The following VTCN1 variants were observed in gnomAD, a reference collection of about 807,000 sequenced individuals.
VTCN1 encodes V-set domain containing T cell activation inhibitor 1, also known as V-set domain-containing T-cell activation inhibitor 1.
In VTCN1, 26 loss-of-function variants were observed where a neutral mutation model predicts 26.5. The ratio of observed to expected loss-of-function variants is 0.98; its 90% CI spans 0.72 to 1.36. VTCN1 has a LOEUF of 1.36. Ranked by LOEUF, VTCN1 falls within the 40% of genes most tolerant of loss-of-function variation. The pLI, the probability that VTCN1 is intolerant of heterozygous loss-of-function variation, is 0.00. For missense variants in VTCN1, 298 were observed against 337.7 expected, an observed-to-expected ratio of 0.88 and a Z score of 0.92; for synonymous variants, 116 against 130.7, an observed-to-expected ratio of 0.89 and a Z score of 0.77.
At chr1:117,154,341 T>C (rs903299160) in intron 3 of VTCN1, among the ~76,000 whole-genome samples, 1 of 152,208 alleles carries the variant, frequency 6.6e-6, no homozygotes, top group African/African-American at 2.4e-5. Context: ...CTGTGAATAC[T>C]ATCATCCCCA....
At chr1:117,193,081 A>G (rs1048915452) in intron 1 of VTCN1, among the ~76,000 whole-genome samples, 4 of 152,178 alleles carry the variant, frequency 2.6e-5, no homozygotes, top group Non-Finnish European at 5.9e-5. Context: ...ATTTTAAGTA[A>G]TCTAGAGATG....
rs751197948 is a variant in VTCN1 at position 117,156,788 on chromosome 1, T to G, written c.231A>C (p.Leu77Phe). 2 of 1,614,144 alleles carry G rather than the reference T, an allele frequency of 1.2e-6. No individual in the cohort carries two copies. The highest frequency in any genetic ancestry group is 1.7e-6 in the Non-Finnish European group (2 of 1,180,014). Residue 77 changes from leucine to phenylalanine, a missense_variant, in exon 3 of 6, where the codon TTA (leucine) becomes TTC (phenylalanine). Transcript: ENST00000369458. Reference protein sequence around the residue: ...IVIQWLKEGVLGLVHEFKEGK... With the variant: ...IVIQWLKEGVFGLVHEFKEGK... ...CTTCTTTGAACTCATGGACCAAGCC[T>G]AAAACACCTTCCTTCAGCCATTGTA... is the stretch of plus-strand genomic sequence containing the variant.
intron 1 of VTCN1, among the ~76,000 whole-genome samples, chr1:117,205,752 C>T (rs1443325915): frequency 6.6e-6 from 1 of 152,204 alleles, no homozygotes; most frequent in Non-Finnish European, 1.5e-5. Context: ...CATGTTGGTT[C>T]CTGCCATTGG....
intron 1 of VTCN1, among the ~76,000 whole-genome samples, chr1:117,208,778 C>A (rs1405968762): frequency 6.6e-6 from 1 of 152,162 alleles, no homozygotes; most frequent in East Asian, 1.9e-4. Flanking sequence ...CATCCCTGAG[C>A]AGCATGCATG....
chr1:117,157,551 C>T (rs1327795203), intron 2 of VTCN1, among the ~76,000 whole-genome samples: 1 of 152,130 alleles, frequency 6.6e-6, no homozygotes, highest in Non-Finnish European at 1.5e-5. Context: ...AGGGAAACTG[C>T]CCCCATGATT....
At position 117,144,373 on chromosome 1, in the gene VTCN1, G is replaced by A. The variant is rs551576201; in HGVS notation, c.*898C>T. The A allele has an allele frequency of 6.6e-6, 1 of 152,248 alleles. No homozygotes were observed. Among genetic ancestry groups the A allele is most frequent in the South Asian group, 2.1e-4 (1 of 4,818 alleles). The allele number at this position is 152,248 out of a possible 1,614,324, so 9.4% of individuals were successfully genotyped here. On this transcript the variant is annotated 3_prime_UTR_variant, in exon 6 of 6. Coordinates refer to ENST00000369458, the MANE Select transcript of VTCN1 (RefSeq NM_024626.4). ...CAAAATTGTCTTCAGACATTCCCCCGGAGATGGGGGGCGAAATCACCCCAG... is the reference window on the plus strand; with the variant it reads ...CAAAATTGTCTTCAGACATTCCCCCAGAGATGGGGGGCGAAATCACCCCAG...
At position 117,161,529 on chromosome 1, in the gene VTCN1, G is replaced by A. The variant is rs1652369374; in HGVS notation, c.98-4608C>T. 6.6e-6 allele frequency among the ~76,000 whole-genome samples: 1 copy of A among 152,150 alleles called. No homozygotes were observed. Among genetic ancestry groups the A allele is most frequent in the African/African-American group, 2.4e-5 (1 of 41,440 alleles). ...ATCTATCTCTGGAACTAGTTTGTGA[G>A]CTTTTCAAGAGCAGAAACTGTCTTA... On this transcript the variant is annotated intron_variant, in intron 2 of 5. Transcript: ENST00000369458. The surrounding 1 kb of genome is among the most constrained non-coding windows in gnomAD (Gnocchi z 4.3).
chr1:117,208,245 A>G (rs73010073), intron 1 of VTCN1, among the ~76,000 whole-genome samples: 2,611 of 152,238 alleles, frequency 0.017, 76 homozygotes, highest in African/African-American at 0.06. Flanking sequence ...CACCATGCTC[A>G]TTCATGAGTT....
chr1:117,184,221 C>T (rs1244138110), intron 1 of VTCN1, among the ~76,000 whole-genome samples: 1 of 152,106 alleles, frequency 6.6e-6, no homozygotes, highest in Admixed American at 6.6e-5. Context: ...CCCAGCTTTG[C>T]TGTGCAGCAG....
At chr1:117,152,201 G>T (rs12566082) in intron 4 of VTCN1, among the ~76,000 whole-genome samples, 5 of 151,964 alleles carry the variant, frequency 3.3e-5, no homozygotes, top group African/African-American at 9.7e-5. Flanking sequence ...TGATATATCT[G>T]AGTTGTAGAT....
Position 117,157,092 on chromosome 1 carries a change from G to GATATATATATATATATATATAT in VTCN1, c.98-193_98-172dup, listed in dbSNP as rs145887761. On this transcript the variant is annotated intron_variant, in intron 2 of 5. Transcript: ENST00000369458. ...GAAAGAGCAGGAAGACAATCATTTT[G>GATATATATATATATATATATAT]ATATATATATATATATATATATAGC... The GATATATATATATATATATATAT allele has an allele frequency of 2.2e-3, 1,255 of 560,766 alleles. 20 individuals are homozygous for GATATATATATATATATATATAT. The highest frequency in any genetic ancestry group is 0.012 in the African/African-American group (456 of 39,616). 34.7% of individuals were successfully genotyped at this position (560,766 alleles called of 1,614,324 possible).
At chr1:117,152,649 A>T (rs945408139) in intron 4 of VTCN1, among the ~76,000 whole-genome samples, 1 of 152,198 alleles carries the variant, frequency 6.6e-6, no homozygotes, top group Admixed American at 6.5e-5. Context: ...CCAGACTTTT[A>T]GTCTTCAGAT....
Position 117,204,531 on chromosome 1 carries a change from T to C in VTCN1, c.32+6293A>G, listed in dbSNP as rs150093493. Among the ~76,000 whole-genome samples, 661 of 152,206 alleles carry C rather than the reference T, an allele frequency of 4.3e-3. 7 individuals are homozygous for C. The highest frequency in any genetic ancestry group is 0.015 in the African/African-American group (635 of 41,522). On this transcript the variant is annotated intron_variant, in intron 1 of 5. Transcript: ENST00000369458. ...AAATGTGGTCTGCTAGGGTCCAACA[T>C]AGTTCTTAGCTAGGGTCCCTGGGCA...
intron 1 of VTCN1, among the ~76,000 whole-genome samples, chr1:117,207,283 T>C (rs189939609): frequency 6.6e-6 from 1 of 152,294 alleles, no homozygotes; most frequent in East Asian, 1.9e-4. Flanking sequence ...GACATGTTTT[T>C]ATCAATGCCA....
At chr1:117,201,943 C>A (rs1648810500) in intron 1 of VTCN1, among the ~76,000 whole-genome samples, 1 of 152,158 alleles carries the variant, frequency 6.6e-6, no homozygotes, top group South Asian at 2.1e-4. Context: ...AGCTTCTTGC[C>A]TCCCTCATCT....
chr1:117,153,114 G>A lies in VTCN1; in HGVS notation c.701C>T (p.Ala234Val). 6.2e-7 allele frequency: 1 copy of A among 1,610,328 alleles called. No homozygotes were observed. The highest frequency in any genetic ancestry group is 8.5e-7 in the Non-Finnish European group (1 of 1,177,542). The change falls in exon 4 of 6, where the codon GCA (alanine) becomes GTA (valine). Residue 234 changes from alanine to valine, a missense_variant. By Grantham distance (64) the Ala-to-Val change is moderately conservative (BLOSUM62 0). Transcript: ENST00000369458. ...SCMIENDIAK[A>V]TGDIKVTESE... ...ACCTGTCACTTTGATATCCCCTGTTGCTTTGGCAATGTCATTTTCAATCAT... is the reference window on the plus strand; with the variant it reads ...ACCTGTCACTTTGATATCCCCTGTTACTTTGGCAATGTCATTTTCAATCAT...
At chr1:117,164,823 C>T (rs1165427716) in intron 2 of VTCN1, among the ~76,000 whole-genome samples, 3 of 152,182 alleles carry the variant, frequency 2.0e-5, no homozygotes, top group African/African-American at 4.8e-5. Context: ...CCTTCCTTCT[C>T]GAAGGCTTAT....
At chr1:117,188,789 T>C (rs1478435276) in intron 1 of VTCN1, among the ~76,000 whole-genome samples, 1 of 152,234 alleles carries the variant, frequency 6.6e-6, no homozygotes, top group Non-Finnish European at 1.5e-5. Flanking sequence ...TTCGTATTTT[T>C]ATTTCAGGGT....
Position 117,169,621 on chromosome 1 carries a change from G to A in VTCN1, c.97+486C>T, listed in dbSNP as rs1017825626. Reference sequence around the variant, plus strand: ...AAAATGAGGAAACTAGCCTGGGCACGGTGGCTCAGGCCGGCAATCCCAGCA... The same window carrying A: ...AAAATGAGGAAACTAGCCTGGGCACAGTGGCTCAGGCCGGCAATCCCAGCA... On this transcript the variant is annotated intron_variant, in intron 2 of 5. Coordinates refer to ENST00000369458, the MANE Select transcript of VTCN1 (RefSeq NM_024626.4). The surrounding 1 kb of genome is among the most constrained non-coding windows in gnomAD (Gnocchi z 4.0). Among the ~76,000 whole-genome samples, 2 of 152,174 alleles carry A rather than the reference G, an allele frequency of 1.3e-5. No homozygotes were observed. Among genetic ancestry groups the A allele is most frequent in the African/African-American group, 2.4e-5 (1 of 41,442 alleles).
Sources: gnomAD v4.1 joint callset for allele counts (sites outside exome capture counted in the v4.1 genomes callset) on GRCh38, gnomAD v4.1.1 for gene constraint, Gnocchi (gnomAD v3.1) non-coding constraint, MANE v1.5 for transcripts, NCBI Gene and HGNC (gene_info 2026-07-23, HGNC 2026-07-21) for gene names.